The following RCC1L variants were observed in gnomAD, a reference collection of about 807,000 sequenced individuals.
RCC1L encodes the protein RCC1 like, also known as RCC1-like G exchanging factor-like protein.
In RCC1L, 46 loss-of-function variants were observed where a neutral mutation model predicts 58.6. That is an observed-to-expected ratio of 0.79 (90% confidence interval 0.62 to 1.00). RCC1L has a LOEUF of 1.00. RCC1L is among the 50% of genes least tolerant of loss of function. RCC1L has a pLI of 0.00. For missense variants in RCC1L, 636 were observed against 623.6 expected, an observed-to-expected ratio of 1.02 and a Z score of -0.21; for synonymous variants, 281 against 262.9, an observed-to-expected ratio of 1.07 and a Z score of -0.67.
At chr7:75,070,566 T>C (rs781906331) in intron 2 of RCC1L, 74 bp downstream of exon 2, 280 of 1,571,080 alleles carry the variant, frequency 1.8e-4, no homozygotes, top group Non-Finnish European at 2.3e-4. Context: ...TGAGACTCTG[T>C]CTCAAAAAAA....
chr7:75,063,918 TCAAA>T (rs1287723901), intron 4 of RCC1L, among the ~76,000 whole-genome samples: 7 of 148,564 alleles, frequency 4.7e-5, no homozygotes, highest in East Asian at 2.0e-4. Context: ...AGACTCCACC[TCAAA>T]CAAACAAACA....
intron 10 of RCC1L, among the ~76,000 whole-genome samples, chr7:75,035,220 G>A (rs991088671): frequency 1.2e-3 from 187 of 152,184 alleles, no homozygotes; most frequent in Non-Finnish European, 2.2e-3. Context: ...TAGTAGAGAT[G>A]GGGTTTTGCC....
chr7:75,037,264 A>C (rs1251191789), downstream of RCC1L, among the ~76,000 whole-genome samples: 5 of 152,112 alleles, frequency 3.3e-5, no homozygotes, highest in Non-Finnish European at 7.4e-5. Flanking sequence ...GACTCACTGC[A>C]AACTCTGCCT....
intron 3 of RCC1L, among the ~76,000 whole-genome samples, chr7:75,065,478 C>T (rs928364996): frequency 6.6e-6 from 1 of 151,954 alleles, no homozygotes; most frequent in Non-Finnish European, 1.5e-5. Context: ...TCACCTGAAC[C>T]CAGGAGGTAG....
intron 3 of RCC1L, 113 bp from the exon 4 acceptor site, chr7:75,064,761 C>A (rs1019533021): frequency 1.0e-4 from 120 of 1,183,232 alleles, no homozygotes; most frequent in Admixed American, 5.5e-4. Flanking sequence ...CCCCCACCCC[C>A]CAACTGCCCC....
chr7:75,064,729 G>A, intron 3 of RCC1L, 81 bp from the exon 4 acceptor site: 1 of 1,500,486 alleles, frequency 6.7e-7, no homozygotes, highest in Non-Finnish European at 9.3e-7. Flanking sequence ...GGTCTCGCTG[G>A]TGGTCCCGTC....
downstream of RCC1L, among the ~76,000 whole-genome samples, chr7:75,041,593 T>C (rs1292953558): frequency 1.3e-5 from 2 of 151,982 alleles, no homozygotes; most frequent in African/African-American, 4.8e-5. Flanking sequence ...GTGCGGTGGC[T>C]CACACCTGTA....
chr7:75,063,897 G>T (rs1317765774), intron 4 of RCC1L, among the ~76,000 whole-genome samples: 1 of 151,224 alleles, frequency 6.6e-6, no homozygotes, highest in Non-Finnish European at 1.5e-5. Flanking sequence ...TCCAGCCTGT[G>T]TAACACAGTG....
intron 10 of RCC1L, among the ~76,000 whole-genome samples, chr7:75,051,210 ACG>A (rs1805896059): frequency 8.2e-5 from 12 of 146,504 alleles, no homozygotes; most frequent in Admixed American, 3.4e-4. Flanking sequence ...ATATATATAA[ACG>A]TATAATATAA....
chr7:75,031,967 C>CAG (rs1805317846), intron 10 of RCC1L, among the ~76,000 whole-genome samples: 1 of 152,196 alleles, frequency 6.6e-6, no homozygotes, highest in African/African-American at 2.4e-5. Context: ...ATATGGCGCC[C>CAG]AGCTTCCCCC....
intron 10 of RCC1L, among the ~76,000 whole-genome samples, chr7:75,051,507 G>A (rs1194668730): frequency 1.3e-5 from 2 of 151,696 alleles, no homozygotes; most frequent in African/African-American, 2.4e-5. Flanking sequence ...TCTGCCTCCC[G>A]GGTTCAAGTG....
chr7:75,029,949 A>G (rs1805254058), intron 10 of RCC1L, among the ~76,000 whole-genome samples: 2 of 152,196 alleles, frequency 1.3e-5, no homozygotes, highest in South Asian at 4.1e-4. Context: ...CTTGAGGCCA[A>G]GATAGCAAGA....
intron 10 of RCC1L, among the ~76,000 whole-genome samples, chr7:75,031,677 A>T (rs1391700661): frequency 1.3e-5 from 2 of 152,096 alleles, no homozygotes; most frequent in African/African-American, 4.8e-5. Flanking sequence ...GGGCCCCCAG[A>T]GCCGGAGGGG....
chr7:75,061,434 C>CCAG, intron 5 of RCC1L, 143 bp from the exon 6 acceptor site: 2 of 739,058 alleles, frequency 2.7e-6, no homozygotes, highest in Non-Finnish European at 5.0e-6. Context: ...GCTCATCTTA[C>CCAG]TCCTTCTCAA....
intron 3 of RCC1L, among the ~76,000 whole-genome samples, chr7:75,065,297 G>C (rs1554444942): frequency 6.6e-6 from 1 of 152,126 alleles, no homozygotes; most frequent in Non-Finnish European, 1.5e-5. Flanking sequence ...GCTCATGACT[G>C]TAATCTCAGC....
chr7:75,069,530 C>T (rs913523634), intron 2 of RCC1L, among the ~76,000 whole-genome samples: 1 of 150,852 alleles, frequency 6.6e-6, no homozygotes, highest in Admixed American at 6.6e-5. Context: ...TTACTGTTCT[C>T]ACAGTAATTT....
intron 10 of RCC1L, among the ~76,000 whole-genome samples, chr7:75,048,104 T>C (rs1264479529): frequency 1.3e-5 from 2 of 149,998 alleles, no homozygotes; most frequent in Admixed American, 1.3e-4. Context: ...TCATCTCTAC[T>C]AAAAATACAA....
At chr7:75,049,870 C>A (rs1805852472) in intron 10 of RCC1L, among the ~76,000 whole-genome samples, 1 of 151,986 alleles carries the variant, frequency 6.6e-6, no homozygotes, top group Non-Finnish European at 1.5e-5. Context: ...CAGAGCAAGA[C>A]CCTGTCTAAA....
intron 10 of RCC1L, among the ~76,000 whole-genome samples, chr7:75,030,380 T>C (rs1030576426): frequency 7.9e-5 from 12 of 151,856 alleles, no homozygotes; most frequent in Admixed American, 6.6e-4. Context: ...ATTAGGTGAG[T>C]GAGGGCAGGA....
Sources: allele counts gnomAD v4.1 joint callset (sites outside exome capture counted in the v4.1 genomes callset), GRCh38; gene constraint gnomAD v4.1.1; transcripts MANE v1.5; gene names NCBI Gene and HGNC (gene_info 2026-07-23, HGNC 2026-07-21).